The following DLGAP4 variants were observed in gnomAD, a reference collection of about 807,000 sequenced individuals.
DLGAP4 encodes the protein disks large-associated protein 4.
In DLGAP4, 18 loss-of-function variants were observed where a neutral mutation model predicts 86.9. That is an observed-to-expected ratio of 0.21 (90% confidence interval 0.14 to 0.31). The LOEUF (loss-of-function observed/expected upper bound fraction) is 0.31. Ranked by LOEUF, DLGAP4 falls within the 10% of genes least tolerant of loss-of-function variation. DLGAP4 has a pLI of 1.00. For synonymous variants in DLGAP4, 548 were observed against 574.3 expected (o/e 0.95, Z 0.65); for missense variants, 1,085 against 1,362.6 (o/e 0.80, Z 3.21).
At chr20:36,322,267 A>G (rs2065175859) in intron 1 of DLGAP4, among the ~76,000 whole-genome samples, 1 of 152,136 alleles carries the variant, frequency 6.6e-6, no homozygotes, top group Non-Finnish European at 1.5e-5. Context: ...GGGAAGAGGA[A>G]GGAAGATGGT....
chr20:36,446,883 T>A lies in DLGAP4; in HGVS notation c.1594T>A (p.Ser532Thr), dbSNP rs1167875451. 1 of 1,613,266 alleles carries A rather than the reference T, an allele frequency of 6.2e-7. No individual in the cohort carries two copies. The highest frequency in any genetic ancestry group is 1.1e-5 in the South Asian group (1 of 91,046). ...SQEEDSVSLQ[S>T]LSPPPSTGSL... is the part of the protein sequence containing the mutation. The stretch of plus-strand genomic sequence containing the variant: ...GGAGGAGGACAGTGTCTCCCTGCAG[T>A]CCCTCTCCCCACCGCCCAGTACCGG... The change falls in exon 7 of 13, where the codon TCC becomes ACC. Residue 532 changes from serine to threonine, a missense_variant. Ser to Thr is a moderately conservative substitution (Grantham distance 58, BLOSUM62 1). Transcript: ENST00000339266.
intron 7 of DLGAP4, among the ~76,000 whole-genome samples, chr20:36,465,718 G>A (rs1332571041): frequency 1.3e-5 from 2 of 152,330 alleles, no homozygotes; most frequent in East Asian, 3.9e-4. Flanking sequence ...GAGACCTGCA[G>A]ATTGTAAATG....
intron 2 of DLGAP4, among the ~76,000 whole-genome samples, chr20:36,376,274 T>G (rs1464579407): frequency 6.6e-6 from 1 of 151,974 alleles, no homozygotes; most frequent in African/African-American, 2.4e-5. Flanking sequence ...GGTCAGTAGT[T>G]CAGTGGCCAA....
Position 36,308,358 on chromosome 20 carries a change from C to A in DLGAP4, c.-304+1846C>A, listed in dbSNP as rs2065024019. 6.6e-6 allele frequency among the ~76,000 whole-genome samples: 1 copy of A among 152,168 alleles called. No homozygotes were observed. The highest frequency in any genetic ancestry group is 2.4e-5 in the African/African-American group (1 of 41,444). ...CCTCTTTTTTGTTGGGGGAGGCAGCCTGTGTCAGGCATTGGAGACAGTGTC... is the reference window on the plus strand; with the variant it reads ...CCTCTTTTTTGTTGGGGGAGGCAGCATGTGTCAGGCATTGGAGACAGTGTC... On this transcript the variant is annotated intron_variant, in intron 1 of 12. Transcript: ENST00000339266. This position sits in a 1 kb window ranked among gnomAD's most constrained non-coding sequence, Gnocchi z 4.5.
intron 10 of DLGAP4, among the ~76,000 whole-genome samples, chr20:36,520,702 GTTTATCTGCTTTTTTTTCCCTTC>G (rs1246179663): frequency 5.3e-5 from 8 of 151,570 alleles, no homozygotes; most frequent in East Asian, 1.9e-4. Flanking sequence ...ATGACGTCTA[GTTTATCTGCTTTTTTTTCCCTTC>G]TTTATCTGCT....
At position 36,496,978 on chromosome 20, in the gene DLGAP4, C is replaced by G. The variant is rs1459422727; in HGVS notation, c.1922C>G (p.Ala641Gly). The change falls in exon 8 of 13, where the codon GCT becomes GGT. Residue 641 changes from alanine to glycine, a missense_variant. By Grantham distance (60) the Ala-to-Gly change is moderately conservative. Around this residue, in one of 2 missense-constraint regions of DLGAP4, gnomAD observed 1,082 missense variants for 1,344.1 expected, o/e 0.81. Coordinates refer to ENST00000339266, the MANE Select transcript of DLGAP4 (RefSeq NM_001365621.2). ...EAPEPPPKHA[A>G]LKSEQGTLTS... ...CCAGAGCCACCCCCAAAACATGCAG[C>G]TCTGAAAAGTGAACAAGGGACGCTG... 1.2e-6 allele frequency: 2 copies of G among 1,614,182 alleles called. No homozygotes were observed. Among genetic ancestry groups the G allele is most frequent in the Non-Finnish European group, 1.7e-6 (2 of 1,180,028 alleles).
In DLGAP4 at chr20:36,495,137, G is replaced by A. The variant is rs114894196; in HGVS notation, c.1649-1568G>A. 6.0e-3 allele frequency among the ~76,000 whole-genome samples: 910 copies of A among 152,090 alleles called. 11 individuals are homozygous for A. Among genetic ancestry groups the A allele is most frequent in the African/African-American group, 0.019 (795 of 41,494 alleles). On this transcript the variant is annotated intron_variant, in intron 7 of 12. Transcript: ENST00000339266. ...CCTCCTGATAGCTAGGATTACAGGC[G>A]TGTACCACCATGCCCAGCTGCATGT...
At chr20:36,439,524 C>T (rs1044022682) in intron 4 of DLGAP4, among the ~76,000 whole-genome samples, 5 of 152,168 alleles carry the variant, frequency 3.3e-5, no homozygotes, top group African/African-American at 4.8e-5. Flanking sequence ...CCACCTCTGT[C>T]GGGCCTCTGG....
At chr20:36,466,918 C>CGCTCTT (rs1282470388) in intron 7 of DLGAP4, among the ~76,000 whole-genome samples, 1 of 151,894 alleles carries the variant, frequency 6.6e-6, no homozygotes, top group Non-Finnish European at 1.5e-5. Flanking sequence ...GCGAGTCTCT[C>CGCTCTT]GCTCTTGCTC....
At chr20:36,387,871 G>A (rs1035979034) in intron 2 of DLGAP4, among the ~76,000 whole-genome samples, 1 of 152,084 alleles carries the variant, frequency 6.6e-6, no homozygotes, top group Non-Finnish European at 1.5e-5. Flanking sequence ...CTATCTCTTT[G>A]TCTATTTCGG....
At chr20:36,342,597 C>T (rs746302970) in intron 1 of DLGAP4, among the ~76,000 whole-genome samples, 11 of 152,212 alleles carry the variant, frequency 7.2e-5, no homozygotes, top group South Asian at 2.1e-4. Context: ...CAGGGAGCAA[C>T]TGTCTGAGCT....
At chr20:36,510,187 G>A (rs567507141) in intron 10 of DLGAP4, among the ~76,000 whole-genome samples, 24 of 152,122 alleles carry the variant, frequency 1.6e-4, no homozygotes, top group South Asian at 1.2e-3. Flanking sequence ...CCATACTTAC[G>A]CAGGGGTATG....
intron 2 of DLGAP4, among the ~76,000 whole-genome samples, chr20:36,375,880 G>T (rs2031132614): frequency 6.6e-6 from 1 of 152,134 alleles, no homozygotes; most frequent in Non-Finnish European, 1.5e-5. Flanking sequence ...GTAAAAGGGA[G>T]CCAACGGCAG....
At position 36,525,972 on chromosome 20, in the gene DLGAP4, G is replaced by A. The variant is rs779144502; in HGVS notation, c.2726G>A (p.Ser909Asn). Residue 909 changes from serine to asparagine, a missense_variant, in exon 12 of 13, where the codon AGC becomes AAC. By Grantham distance (46) the Ser-to-Asn change is conservative. Coordinates refer to ENST00000339266, the MANE Select transcript of DLGAP4 (RefSeq NM_001365621.2). ...FDELYHLKAN[S>N]WQLVETPEKR... is the part of the protein sequence containing the mutation. ...GAACTCTACCACCTCAAGGCCAACA[G>A]CTGGCAGCTGGTGGAGACCCCCGAG... 23 of 1,613,846 alleles carry A rather than the reference G, an allele frequency of 1.4e-5. No homozygotes were observed. In the East Asian group the frequency reaches 5.1e-4, roughly 36 times the overall value.
At chr20:36,506,741 T>C (rs576806125) in intron 10 of DLGAP4, among the ~76,000 whole-genome samples, 1 of 152,342 alleles carries the variant, frequency 6.6e-6, no homozygotes, top group East Asian at 1.9e-4. Flanking sequence ...CACTGTTGTA[T>C]AACCATCACC....
intron 3 of DLGAP4, 35 bp from the exon 4 acceptor site, chr20:36,436,073 GC>G: frequency 1.3e-6 from 2 of 1,515,450 alleles, no homozygotes; most frequent in Non-Finnish European, 1.8e-6. Context: ...CTCATTTTCT[GC>G]GGTGGCCCCA....
chr20:36,457,078 A>T (rs2147603301), intron 7 of DLGAP4, among the ~76,000 whole-genome samples: 1 of 152,328 alleles, frequency 6.6e-6, no homozygotes, highest in East Asian at 1.9e-4. Context: ...CAGACAAAAC[A>T]ATAAACATAA....
In DLGAP4 at chr20:36,392,604, G is replaced by A. The variant is rs531727258; in HGVS notation, c.-73+25329G>A. ...AGGCTGCTCTCGAACTCCTGACTTC[G>A]TCATCCACCCGCCTCAGCCTCCCAA... On this transcript the variant is annotated intron_variant, in intron 2 of 12. Coordinates refer to ENST00000339266, the MANE Select transcript of DLGAP4 (RefSeq NM_001365621.2). Among the ~76,000 whole-genome samples, 19 of 151,948 alleles carry A rather than the reference G, an allele frequency of 1.3e-4. No individual in the cohort carries two copies. In the East Asian group the frequency reaches 1.9e-3, roughly 16 times the overall value.
intron 2 of DLGAP4, among the ~76,000 whole-genome samples, chr20:36,397,557 GT>G (rs1305545352): frequency 6.6e-6 from 1 of 151,708 alleles, no homozygotes; most frequent in African/African-American, 2.4e-5. Flanking sequence ...TTTTCAGTTT[GT>G]TTTTTTCTTT....
Sources: gnomAD v4.1 joint callset for allele counts (sites outside exome capture counted in the v4.1 genomes callset) on GRCh38, gnomAD v4.1.1 for gene constraint, gnomAD v4.1.1 regional missense constraint, Gnocchi (gnomAD v3.1) non-coding constraint, MANE v1.5 for transcripts, NCBI Gene and HGNC (gene_info 2026-07-23, HGNC 2026-07-21) for gene names.